SRSF5: variants seen among roughly 807,000 people sequenced by gnomAD.
SRSF5 encodes the protein serine/arginine-rich splicing factor 5.
In SRSF5, 5 loss-of-function variants were observed where a neutral mutation model predicts 34.0. That is an observed-to-expected ratio of 0.15 (90% CI 0.08 to 0.31). SRSF5 has a LOEUF of 0.31. Among genes scored for constraint, SRSF5 ranks in the 10% least tolerant of loss-of-function variants. The pLI is 1.00. For missense variants in SRSF5, 223 were observed against 351.4 expected (o/e 0.63, Z 2.92); for synonymous variants, 164 against 117.7 (o/e 1.39, Z -2.55).
In SRSF5 at chr14:69,771,026, A is replaced by C. The variant is rs767212275; in HGVS notation, c.472A>C (p.Lys158Gln). 1 of 1,613,868 alleles carries C rather than the reference A, an allele frequency of 6.2e-7. No individual in the cohort carries two copies. The highest frequency in any genetic ancestry group is 1.1e-5 in the South Asian group (1 of 91,048). Residue 158 changes from lysine to glutamine, a missense_variant, in exon 7 of 8, where the codon AAG (lysine) becomes CAG (glutamine). By Grantham distance (53) the Lys-to-Gln change is moderately conservative. This residue lies in a region of SRSF5 where 37 missense variants were observed against 96.7 expected (regional missense o/e 0.38). Coordinates refer to ENST00000557154, the MANE Select transcript of SRSF5 (RefSeq NM_001320214.2). ...VVEFASYGDL[K>Q]NAIEKLSGKE... ...TGAGTTTGCCTCTTATGGTGACTTA[A>C]AGAATGCTATTGAAAAACTTTCTGG...
At position 69,771,866 on chromosome 14, in the gene SRSF5, A is replaced by G. The variant is rs1010574050; in HGVS notation, c.*405A>G. The stretch of plus-strand genomic sequence containing the variant: ...TAATTAATAGCTTTGGACACTTAAA[A>G]GAGCTCTAAATTTGCTTGTACATAA... On this transcript the variant is annotated 3_prime_UTR_variant, in exon 8 of 8. Transcript: ENST00000557154. 1 of 172,924 alleles carries G rather than the reference A, an allele frequency of 5.8e-6. No individual in the cohort carries two copies. The highest frequency in any genetic ancestry group is 1.3e-4 in the South Asian group (1 of 7,666). The allele number at this position is 172,924 out of a possible 1,614,324, so 10.7% of individuals were successfully genotyped here.
chr14:69,771,185 TTTTCATA>T lies in SRSF5; in HGVS notation c.552-8_552-2del. ...CTTATCTAGGCTGATTTCTTTTCAT[TTTTCATA>T]GTAGGTCAAGAAGCAGGTCTCGATC... is the stretch of plus-strand genomic sequence containing the variant. On this transcript the variant is annotated splice_acceptor_variant and splice_polypyrimidine_tract_variant and intron_variant, in intron 7 of 7. Transcript: ENST00000557154. LOFTEE classifies it high-confidence loss of function. The T allele has an allele frequency of 6.2e-7, 1 of 1,613,864 alleles. No homozygotes were observed.
intron 5 of SRSF5, chr14:69,770,223 T>C: frequency 7.7e-7 from 1 of 1,292,110 alleles, no homozygotes; most frequent in Non-Finnish European, 9.8e-7. Context: ...CATAGACTAA[T>C]ACTACCTTAA....
In SRSF5 at chr14:69,768,261, G is replaced by A; in HGVS notation, c.105G>A (p.Leu35=). The part of the protein sequence containing the change: ...KGYGRIRDID[L]KRGFGFVEFE... ...ATGGACGGATAAGAGATATTGATCT[G>A]AAAAGAGGCTTTGGTTTTGTGGTAA... is the stretch of plus-strand genomic sequence containing the variant. Residue 35 remains leucine, a synonymous_variant, in exon 2 of 8, where the codon CTG becomes CTA. Coordinates refer to ENST00000557154, the MANE Select transcript of SRSF5 (RefSeq NM_001320214.2). The A allele has an allele frequency of 6.2e-7, 1 of 1,614,218 alleles. No homozygotes were observed.
intron 5 of SRSF5, chr14:69,769,829 C>T (rs1027896320): frequency 6.9e-6 from 9 of 1,308,056 alleles, no homozygotes; most frequent in Admixed American, 7.4e-5. Flanking sequence ...GAATCCTGAT[C>T]GCAGTAAAGT....
chr14:69,767,870 G>T, intron 1 of SRSF5: 2 of 416,740 alleles, frequency 4.8e-6, no homozygotes, highest in East Asian at 5.4e-5. Context: ...GGGCCGGAGA[G>T]CCCGGAGAGT....
In SRSF5 at chr14:69,769,887, TCCGCTAATAGG is replaced by T. The variant is rs1436100819; in HGVS notation, c.367-579_367-569del. 5 of 1,176,732 alleles carry T rather than the reference TCCGCTAATAGG, an allele frequency of 4.2e-6. No individual in the cohort carries two copies. In the African/African-American group the frequency reaches 7.9e-5, roughly 19 times the overall value. The allele number at this position is 1,176,732 out of a possible 1,614,324, so 72.9% of individuals were successfully genotyped here. Reference sequence around the variant, plus strand: ...AGAACATGTCTGCATCCGCCAATAGTCCGCTAATAGGGAGGGCTGTGCGATTAAAGGCTTCC... The same window carrying T: ...AGAACATGTCTGCATCCGCCAATAGTGAGGGCTGTGCGATTAAAGGCTTCC... On this transcript the variant is annotated intron_variant, in intron 5 of 7. Transcript: ENST00000557154.
At chr14:69,768,712 G>C (rs1297738603) in intron 3 of SRSF5, 38 bp downstream of exon 3, 1 of 1,608,506 alleles carries the variant, frequency 6.2e-7, no homozygotes, top group Non-Finnish European at 8.5e-7. Flanking sequence ...CTGGGACATA[G>C]AGCAGACTGG....
intron 6 of SRSF5, 138 bp downstream of exon 6, chr14:69,770,678 C>T (rs555535725): frequency 2.5e-6 from 2 of 798,264 alleles, no homozygotes; most frequent in African/African-American, 1.7e-5. Context: ...CCTCCTCCCC[C>T]CCACACCTTT....
chr14:69,771,327 T>C lies in SRSF5; in HGVS notation c.685T>C (p.Ser229Pro). ...SRSRSRSKSR[S>P]VSRSPVPEKS... is the part of the protein sequence containing the mutation. ...GAGCCGGAGCCGGAGCAAGTCCCGT[T>C]CTGTTAGTAGGTCTCCCGTGCCTGA... The change falls in exon 8 of 8, where the codon TCT becomes CCT. Residue 229 changes from serine to proline, a missense_variant. This residue lies in a region of SRSF5 where 115 missense variants were observed against 119.7 expected (regional missense o/e 0.96). Transcript: ENST00000557154. 6.2e-7 allele frequency: 1 copy of C among 1,614,116 alleles called. No homozygotes were observed.
At chr14:69,768,919 C>G in intron 4 of SRSF5, 23 bp downstream of exon 4, 1 of 1,604,028 alleles carries the variant, frequency 6.2e-7, no homozygotes, top group Non-Finnish European at 8.5e-7. Context: ...TGGATGGCTG[C>G]ATTGAACAAT....
At chr14:69,769,895 TAGGG>T (rs1883003262) in intron 5 of SRSF5, 22 of 1,150,432 alleles carry the variant, frequency 1.9e-5, no homozygotes, top group Admixed American at 8.7e-5. Flanking sequence ...AGTCCGCTAA[TAGGG>T]AGGGCTGTGC....
At chr14:69,769,349 T>G in intron 5 of SRSF5, 98 bp downstream of exon 5, 1 of 1,515,220 alleles carries the variant, frequency 6.6e-7, no homozygotes, top group Non-Finnish European at 8.8e-7. Flanking sequence ...TAGTTTTAAA[T>G]TAATGGATTT....
Position 69,771,579 on chromosome 14 carries a change from GAA to G in SRSF5, c.*119_*120del. Reference sequence around the variant, plus strand: ...TGCTTTTCTGTGGGGGTGGGATTTGGAAGGGGGGTTGGGTTGGGCTGGATATC... The same window carrying G: ...TGCTTTTCTGTGGGGGTGGGATTTGGGGGGGGTTGGGTTGGGCTGGATATC... On this transcript the variant is annotated 3_prime_UTR_variant, in exon 8 of 8. Coordinates refer to ENST00000557154, the MANE Select transcript of SRSF5 (RefSeq NM_001320214.2). 1.6e-6 allele frequency: 1 copy of G among 622,196 alleles called. No individual in the cohort carries two copies. The highest frequency in any genetic ancestry group is 6.3e-4 in the Middle Eastern group (1 of 1,578). The allele number at this position is 622,196 out of a possible 1,614,324, so 38.5% of individuals were successfully genotyped here.
At chr14:69,770,808 AACAATGAATTGGC>A in intron 6 of SRSF5, 174 bp from the exon 7 acceptor site, 1 of 666,472 alleles carries the variant, frequency 1.5e-6, no homozygotes, top group South Asian at 2.0e-5. Context: ...GAACCCCCTC[AACAATGAATTGGC>A]TCAAAGTATA....
chr14:69,770,424 C>A, intron 5 of SRSF5, 43 bp from the exon 6 acceptor site: 1 of 1,602,486 alleles, frequency 6.2e-7, no homozygotes, highest in South Asian at 1.1e-5. Flanking sequence ...GTTTGTGTGT[C>A]CCCTTTCCTC....
At position 69,768,851 on chromosome 14, in the gene SRSF5, G is replaced by C. The variant is rs1882859285; in HGVS notation, c.251G>C (p.Arg84Pro). Residue 84 changes from arginine to proline, a missense_variant, in exon 4 of 8, where the codon CGA becomes CCA. By Grantham distance (103) the Arg-to-Pro change is moderately radical. Transcript: ENST00000557154. ...TCACGAGGTGGAAGAGGTAGAGGACGATACTCTGACCGTTTTAGTAGTCGC... is the reference window on the plus strand; with the variant it reads ...TCACGAGGTGGAAGAGGTAGAGGACCATACTCTGACCGTTTTAGTAGTCGC... The part of the protein sequence containing the change: ...ARSRGGRGRG[R>P]YSDRFSSRRP... 1.2e-6 allele frequency: 2 copies of C among 1,614,072 alleles called. No individual in the cohort carries two copies. The highest frequency in any genetic ancestry group is 8.5e-7 in the Non-Finnish European group (1 of 1,180,040).
chr14:69,771,557 T>C lies in SRSF5; in HGVS notation c.*96T>C. ...GCTAAAAATTCTGGTAAGTATGTGC[T>C]TTTCTGTGGGGGTGGGATTTGGAAG... is the stretch of plus-strand genomic sequence containing the variant. On this transcript the variant is annotated 3_prime_UTR_variant, in exon 8 of 8. Coordinates refer to ENST00000557154, the MANE Select transcript of SRSF5 (RefSeq NM_001320214.2). 7.2e-7 allele frequency: 1 copy of C among 1,398,288 alleles called. No homozygotes were observed. The highest frequency in any genetic ancestry group is 1.4e-5 in the South Asian group (1 of 72,954). 86.6% of individuals were successfully genotyped at this position (1,398,288 alleles called of 1,614,324 possible).
chr14:69,770,460 T>G lies in SRSF5; in HGVS notation c.367-7T>G. The G allele has an allele frequency of 6.2e-7, 1 of 1,613,764 alleles. No homozygotes were observed. Among genetic ancestry groups the G allele is most frequent in the African/African-American group, 1.3e-5 (1 of 75,020 alleles). Reference sequence around the variant, plus strand: ...TTCTTTGCTTAACACAATTATCTTGTGTTAAGGATCTCAAAGATTTCATGA... The same window carrying G: ...TTCTTTGCTTAACACAATTATCTTGGGTTAAGGATCTCAAAGATTTCATGA... On this transcript the variant is annotated splice_region_variant and splice_polypyrimidine_tract_variant and intron_variant, in intron 5 of 7. Transcript: ENST00000557154.
Sources: gnomAD v4.1 joint callset for allele counts on GRCh38, gnomAD v4.1.1 for gene constraint, gnomAD v4.1.1 regional missense constraint, MANE v1.5 for transcripts, NCBI Gene and HGNC (gene_info 2026-07-23, HGNC 2026-07-21) for gene names.